PAMR1: variants seen among roughly 807,000 people sequenced by gnomAD.
PAMR1 encodes the protein inactive serine protease PAMR1.
In PAMR1, 88 loss-of-function variants were observed where a neutral mutation model predicts 81.8. The observed-to-expected ratio is 1.08, with a 90% confidence interval of 0.91 to 1.28. The LOEUF (loss-of-function observed/expected upper bound fraction) is 1.28, where lower values mean the gene tolerates loss of function less well. Ranked by LOEUF, PAMR1 falls within the 50% of genes most tolerant of loss-of-function variation. The pLI is 0.00. For missense variants in PAMR1, 935 were observed against 919.7 expected (o/e 1.02, Z -0.21); for synonymous variants, 336 against 345.3 (o/e 0.97, Z 0.30).
rs1488754064 is a variant in PAMR1, at chr11:35,492,050, C to T, written c.374G>A (p.Cys125Tyr). The change falls in exon 3 of 11, where the codon TGC (cysteine) becomes TAC (tyrosine). Residue 125 changes from cysteine (C) to tyrosine (Y), a missense_variant. Physicochemically the swap from Cys to Tyr is radical, Grantham distance 194. Coordinates refer to ENST00000619888, the MANE Select transcript of PAMR1 (RefSeq NM_001001991.3). ...ECRAGWYGGD[C>Y]MRCGQVLRAP... ...CTAGGTCAAGGTCTACTTACGCATG[C>T]AGTCTCCTCCGTACCAGCCTGCTCG... is the stretch of plus-strand genomic sequence containing the variant. The T allele has an allele frequency of 1.2e-6, 2 of 1,611,680 alleles. No homozygotes were observed.
chr11:35,530,055 A>C (rs1459574784), upstream of PAMR1: 1 of 152,242 alleles, frequency 6.6e-6, no homozygotes, highest in Admixed American at 6.5e-5. Flanking sequence ...ATCAGCAGCT[A>C]AGCAGCAACC....
intron 1 of PAMR1, among the ~76,000 whole-genome samples, chr11:35,506,578 TC>T (rs1330388150): frequency 2.0e-5 from 3 of 152,046 alleles, no homozygotes; most frequent in Middle Eastern, 3.2e-3. Flanking sequence ...GATGCCATAT[TC>T]TTGGGTGGCA....
At chr11:35,435,598 A>G (rs1232287015) in intron 9 of PAMR1, among the ~76,000 whole-genome samples, 1 of 152,160 alleles carries the variant, frequency 6.6e-6, no homozygotes, top group Admixed American at 6.5e-5. Context: ...AGCCAAGATT[A>G]TATAACTTGA....
At chr11:35,528,302 C>A (rs1042306048), upstream of PAMR1, among the ~76,000 whole-genome samples, 8 of 152,168 alleles carry the variant, frequency 5.3e-5, 1 homozygote, top group African/African-American at 1.2e-4. Context: ...AGAAGTTAAT[C>A]ATTGGAGACA....
intron 6 of PAMR1, among the ~76,000 whole-genome samples, chr11:35,443,501 C>G (rs777805902): frequency 1.2e-4 from 19 of 152,142 alleles, no homozygotes; most frequent in Non-Finnish European, 4.4e-5. Context: ...AGGATAATGG[C>G]TTCTAGCTTC....
rs191998639 is a variant in PAMR1 at position 35,455,040 on chromosome 11, G to C, written c.820+12961C>G. 3.9e-5 allele frequency among the ~76,000 whole-genome samples: 6 copies of C among 152,296 alleles called. No individual in the cohort carries two copies. In the East Asian group the frequency reaches 1.2e-3, roughly 29 times the overall value. On this transcript the variant is annotated intron_variant, in intron 6 of 10. Coordinates refer to ENST00000619888, the MANE Select transcript of PAMR1 (RefSeq NM_001001991.3). ...CAGAGGAGGTCCCAAGAATGACAGCGACTGCCTTTTTCATGAGCCTGAATT... is the reference window on the plus strand; with the variant it reads ...CAGAGGAGGTCCCAAGAATGACAGCCACTGCCTTTTTCATGAGCCTGAATT...
chr11:35,436,107 C>T lies in PAMR1; in HGVS notation c.1129G>A (p.Ala377Thr), dbSNP rs377424823. 73 of 1,613,908 alleles carry T rather than the reference C, an allele frequency of 4.5e-5. No individual in the cohort carries two copies. The highest frequency in any genetic ancestry group is 6.7e-5 in the Admixed American group (4 of 60,004). ...TGCAGTTTCTGCTTGCTGAAGGCCGCTGAGTATAGCTGGTGTAATGGTGTC... is the reference window on the plus strand; with the variant it reads ...TGCAGTTTCTGCTTGCTGAAGGCCGTTGAGTATAGCTGGTGTAATGGTGTC... ...RETPLHQLYS[A>T]AFSKQKLQSA... The change falls in exon 9 of 11, where the codon GCG becomes ACG. Residue 377 changes from alanine (A) to threonine (T), a missense_variant. By Grantham distance (58) the Ala-to-Thr change is moderately conservative (BLOSUM62 0). Coordinates refer to ENST00000619888, the MANE Select transcript of PAMR1 (RefSeq NM_001001991.3).
rs984841239 is a variant in PAMR1, at chr11:35,434,447, GCT to G, written c.1626+63_1626+64del. On this transcript the variant is annotated intron_variant, in intron 10 of 10. Coordinates refer to ENST00000619888, the MANE Select transcript of PAMR1 (RefSeq NM_001001991.3). The stretch of plus-strand genomic sequence containing the variant: ...GGGGACAGAGCTTGGTATAATCACT[GCT>G]CTCCCGTGCTTGGAGTTTTTTTGAG... The G allele has an allele frequency of 2.7e-6, 4 of 1,500,874 alleles. No individual in the cohort carries two copies. The African/African-American group carries it at 5.5e-5, about 21-fold the overall frequency. 93.0% of individuals were successfully genotyped at this position (1,500,874 alleles called of 1,614,324 possible).
At chr11:35,485,732 C>T (rs1016001861) in intron 3 of PAMR1, among the ~76,000 whole-genome samples, 6 of 152,218 alleles carry the variant, frequency 3.9e-5, no homozygotes, top group Non-Finnish European at 8.8e-5. Flanking sequence ...ACATATAAAA[C>T]AGCTCTGATC....
At chr11:35,481,686 CT>C (rs2135389550) in intron 3 of PAMR1, among the ~76,000 whole-genome samples, 1 of 152,200 alleles carries the variant, frequency 6.6e-6, no homozygotes, top group African/African-American at 2.4e-5. Flanking sequence ...CCACACCCAG[CT>C]AATTTCTGTG....
intron 1 of PAMR1, among the ~76,000 whole-genome samples, chr11:35,514,934 G>C (rs1851135747): frequency 6.6e-6 from 1 of 152,214 alleles, no homozygotes; most frequent in Non-Finnish European, 1.5e-5. Context: ...GAGCCCAGCA[G>C]GTCAAGACTG....
chr11:35,454,321 G>A (rs1321319929), intron 6 of PAMR1, among the ~76,000 whole-genome samples: 1 of 152,072 alleles, frequency 6.6e-6, no homozygotes, highest in African/African-American at 2.4e-5. Flanking sequence ...GGAGATTTTT[G>A]TCCCCCTAGG....
chr11:35,494,381 T>TGC, intron 1 of PAMR1, 109 bp from the exon 2 acceptor site: 1 of 869,564 alleles, frequency 1.2e-6, no homozygotes, highest in Non-Finnish European at 1.8e-6. Context: ...TCGCCCAGGC[T>TGC]GGAGTGCAGT....
intron 6 of PAMR1, among the ~76,000 whole-genome samples, chr11:35,454,903 T>C (rs1053171076): frequency 6.6e-6 from 1 of 152,190 alleles, no homozygotes; most frequent in African/African-American, 2.4e-5. Context: ...GTCTAAGACA[T>C]TGGGCTTCCC....
At chr11:35,488,197 CTTTTT>C (rs35884320) in intron 3 of PAMR1, among the ~76,000 whole-genome samples, 5 of 88,038 alleles carry the variant, frequency 5.7e-5, no homozygotes, top group African/African-American at 8.6e-5. Flanking sequence ...CCTTTCCCAT[CTTTTT>C]TTTTTTTTTT....
chr11:35,482,045 T>C lies in PAMR1; in HGVS notation c.380-7301A>G, dbSNP rs531481886. On this transcript the variant is annotated intron_variant, in intron 3 of 10. Coordinates refer to ENST00000619888, the MANE Select transcript of PAMR1 (RefSeq NM_001001991.3). ...GCAGAAGCTTTTTAGTCTAATTAGG[T>C]CCCATTTGTCAATTTTAGCTTTTGA... 4.6e-5 allele frequency among the ~76,000 whole-genome samples: 7 copies of C among 152,338 alleles called. No individual in the cohort carries two copies. In the South Asian group the frequency reaches 1.4e-3, roughly 32 times the overall value.
At chr11:35,456,849 G>A (rs1467170322) in intron 6 of PAMR1, among the ~76,000 whole-genome samples, 1 of 152,150 alleles carries the variant, frequency 6.6e-6, no homozygotes, top group Non-Finnish European at 1.5e-5. Context: ...GACTAAACTT[G>A]CTCTTACACA....
chr11:35,453,454 T>C (rs1183271045), intron 6 of PAMR1: 1 of 152,212 alleles, frequency 6.6e-6, no homozygotes, highest in Non-Finnish European at 1.5e-5. Context: ...AAGCCTTCAA[T>C]TGCATCCTAC....
At chr11:35,474,366 G>A (rs766159598) in intron 4 of PAMR1, among the ~76,000 whole-genome samples, 11 of 152,148 alleles carry the variant, frequency 7.2e-5, no homozygotes, top group Admixed American at 1.3e-4. Context: ...TAAGATTTGC[G>A]GATGGGTAGA....
Sources: gnomAD v4.1 joint callset for allele counts (sites outside exome capture counted in the v4.1 genomes callset) on GRCh38, gnomAD v4.1.1 for gene constraint, MANE v1.5 for transcripts, NCBI Gene and HGNC (gene_info 2026-07-23, HGNC 2026-07-21) for gene names.